Variants in NEDD4 observed in about 807,000 individuals in gnomAD.
NEDD4 encodes NEDD4 E3 ubiquitin protein ligase, also known as E3 ubiquitin-protein ligase NEDD4.
Under a neutral mutation model 144.9 loss-of-function variants are expected in NEDD4, and 99 were observed. The observed-to-expected ratio is 0.68, with a 90% CI of 0.58 to 0.81. The LOEUF is 0.81. NEDD4 is among the 30% of genes least tolerant of loss of function. The pLI is 0.00. For synonymous variants in NEDD4, 318 were observed against 350.6 expected (o/e 0.91, Z 1.04); for missense variants, 985 against 1,065.9 (o/e 0.92, Z 1.06).
chr15:55,859,312 G>A (rs2034312822), intron 11 of NEDD4, among the ~76,000 whole-genome samples: 1 of 152,198 alleles, frequency 6.6e-6, no homozygotes, highest in Admixed American at 6.5e-5. Context: ...AGTGGTGGCT[G>A]AAGTGAAAAT....
At chr15:55,847,708 G>C (rs1278332309) in intron 17 of NEDD4, among the ~76,000 whole-genome samples, 1 of 129,588 alleles carries the variant, frequency 7.7e-6, no homozygotes, top group Admixed American at 9.2e-5. Context: ...ATGGAGTCTC[G>C]CTCTGTTGTC....
chr15:55,930,120 T>C (rs1237851077), intron 4 of NEDD4, among the ~76,000 whole-genome samples: 5 of 152,186 alleles, frequency 3.3e-5, no homozygotes, highest in Non-Finnish European at 5.9e-5. Flanking sequence ...ATGGCTTGTG[T>C]GCTAAATCCA....
In NEDD4 at chr15:55,904,089, G is replaced by C. The variant is rs570463854; in HGVS notation, c.291+20557C>G. On this transcript the variant is annotated intron_variant, in intron 5 of 28. Transcript: ENST00000435532. ...GGGCAGGAGAATCGTTTGAACTCTGGAGGCGGAGGTCACAGAGAGCCGAGA... is the reference window on the plus strand; with the variant it reads ...GGGCAGGAGAATCGTTTGAACTCTGCAGGCGGAGGTCACAGAGAGCCGAGA... Among the ~76,000 whole-genome samples, 4 of 152,096 alleles carry C rather than the reference G, an allele frequency of 2.6e-5. No homozygotes were observed. In the East Asian group the frequency reaches 7.8e-4, roughly 30 times the overall value.
At position 55,850,529 on chromosome 15, in the gene NEDD4, G is replaced by A; in HGVS notation, c.1347+13C>T. 1.9e-6 allele frequency: 3 copies of A among 1,612,882 alleles called. No homozygotes were observed. Among genetic ancestry groups the A allele is most frequent in the Non-Finnish European group, 2.5e-6 (3 of 1,179,112 alleles). On this transcript the variant is annotated intron_variant, in intron 14 of 28. Coordinates refer to ENST00000435532, the MANE Select transcript of NEDD4 (RefSeq NM_006154.4). ...TGTTGTTATAAATTTAAATGGAAAA[G>A]TATCAAAGTTACCCAGGTGGTGGTT...
intron 5 of NEDD4, among the ~76,000 whole-genome samples, chr15:55,877,363 G>C (rs955660291): frequency 6.6e-6 from 1 of 152,118 alleles, no homozygotes; most frequent in Non-Finnish European, 1.5e-5. Flanking sequence ...CTTCATGGTT[G>C]AATTTAGATT....
chr15:55,839,999 A>AAAAAATATAT (rs1566901067), intron 21 of NEDD4, among the ~76,000 whole-genome samples: 3 of 26,114 alleles, frequency 1.1e-4, no homozygotes, highest in Admixed American at 6.8e-4. Flanking sequence ...AAAAAAAAAA[A>AAAAAATATAT]ATATATATAT....
At chr15:55,877,765 T>C (rs1186476639) in intron 5 of NEDD4, among the ~76,000 whole-genome samples, 10 of 152,158 alleles carry the variant, frequency 6.6e-5, no homozygotes, top group African/African-American at 1.7e-4. Flanking sequence ...CTCCCATTTA[T>C]ACATTCTAAT....
At chr15:55,830,716 T>G in intron 27 of NEDD4, 130 bp from the exon 28 acceptor site, 1 of 704,630 alleles carries the variant, frequency 1.4e-6, no homozygotes, top group East Asian at 2.7e-5. Flanking sequence ...ATTTATATTT[T>G]AGAGATGGGG....
chr15:55,930,264 G>A (rs1364840309), intron 4 of NEDD4, among the ~76,000 whole-genome samples: 3 of 151,952 alleles, frequency 2.0e-5, no homozygotes, highest in South Asian at 2.1e-4. Flanking sequence ...CTACAACACC[G>A]AAAATATTTA....
At chr15:55,983,466 C>T (rs2037838752) in intron 1 of NEDD4, among the ~76,000 whole-genome samples, 2 of 152,008 alleles carry the variant, frequency 1.3e-5, no homozygotes, top group Admixed American at 6.6e-5. Flanking sequence ...GTCTCCATCC[C>T]ATCTTTTGCA....
At chr15:55,878,909 G>T (rs1395185813) in intron 5 of NEDD4, among the ~76,000 whole-genome samples, 1 of 152,164 alleles carries the variant, frequency 6.6e-6, no homozygotes, top group Non-Finnish European at 1.5e-5. Context: ...TGCAACCTCC[G>T]CCTCCCTCGT....
At chr15:55,929,046 A>G (rs2036730274) in intron 4 of NEDD4, among the ~76,000 whole-genome samples, 1 of 152,250 alleles carries the variant, frequency 6.6e-6, no homozygotes, top group Admixed American at 6.5e-5. Context: ...GAGGGCCATC[A>G]GCAGCTGAGT....
chr15:55,981,248 T>G (rs8029247), intron 1 of NEDD4, among the ~76,000 whole-genome samples: 13 of 151,742 alleles, frequency 8.6e-5, no homozygotes, highest in African/African-American at 3.1e-4. Flanking sequence ...GGGATTCTCA[T>G]ATATCACCTC....
chr15:55,965,250 G>A (rs1006282444), intron 2 of NEDD4, among the ~76,000 whole-genome samples: 2 of 152,146 alleles, frequency 1.3e-5, no homozygotes, highest in South Asian at 2.1e-4. Flanking sequence ...CCAGGCTGGA[G>A]TGCATTGGCA....
chr15:55,956,118 T>A (rs1484187863), intron 2 of NEDD4, among the ~76,000 whole-genome samples: 2 of 152,090 alleles, frequency 1.3e-5, no homozygotes, highest in African/African-American at 2.4e-5. Context: ...CCAGCCCACA[T>A]TTCTTTTTTT....
At chr15:55,899,917 G>A (rs544987799) in intron 5 of NEDD4, among the ~76,000 whole-genome samples, 1 of 152,264 alleles carries the variant, frequency 6.6e-6, no homozygotes, top group East Asian at 1.9e-4. Context: ...CTACTAAACT[G>A]GACAGTGGTG....
chr15:55,965,937 C>A (rs539770979), intron 2 of NEDD4, among the ~76,000 whole-genome samples: 1 of 152,288 alleles, frequency 6.6e-6, no homozygotes, highest in Non-Finnish European at 1.5e-5. Context: ...CAGGCATGAG[C>A]CACCATGCCT....
At chr15:55,980,109 A>T (rs986573645) in intron 1 of NEDD4, among the ~76,000 whole-genome samples, 1 of 151,966 alleles carries the variant, frequency 6.6e-6, no homozygotes, top group Non-Finnish European at 1.5e-5. Context: ...TGCCCAGCTA[A>T]TTTTTGTATT....
chr15:55,881,366 C>A (rs144134464), intron 5 of NEDD4, among the ~76,000 whole-genome samples: 1 of 152,196 alleles, frequency 6.6e-6, no homozygotes, highest in African/African-American at 2.4e-5. Flanking sequence ...GTCTTGAACT[C>A]CTGACCTCCA....
Sources: allele counts gnomAD v4.1 joint callset (sites outside exome capture counted in the v4.1 genomes callset), GRCh38; gene constraint gnomAD v4.1.1; transcripts MANE v1.5; gene names NCBI Gene and HGNC (gene_info 2026-07-23, HGNC 2026-07-21).